Variants in ADGRB3 observed in about 807,000 individuals in gnomAD.
ADGRB3 encodes the protein adhesion G protein-coupled receptor B3, also known as brain-specific angiogenesis inhibitor 3.
A neutral mutation model predicts 193.4 loss-of-function variants in ADGRB3; 37 were observed. The ratio of observed to expected loss-of-function variants is 0.19; its 90% confidence interval spans 0.15 to 0.25. The LOEUF is 0.25. Among genes scored for constraint, ADGRB3 ranks in the 10% least tolerant of loss-of-function variants. ADGRB3 has a pLI of 1.00. For missense variants in ADGRB3, 1,637 were observed against 1,852.9 expected (o/e 0.88, Z 2.14); for synonymous variants, 690 against 644.2 (o/e 1.07, Z -1.08).
intron 17 of ADGRB3, among the ~76,000 whole-genome samples, chr6:69,227,742 C>T (rs1467918357): frequency 1.3e-5 from 2 of 152,154 alleles, no homozygotes; most frequent in East Asian, 3.9e-4. Flanking sequence ...TCAAGCCTCA[C>T]TGTTGAATTG....
chr6:68,994,361 G>C (rs919626491), intron 11 of ADGRB3, among the ~76,000 whole-genome samples: 1 of 152,074 alleles, frequency 6.6e-6, no homozygotes, highest in Non-Finnish European at 1.5e-5. Context: ...AAAAAACATA[G>C]TTTAAAGTTT....
At chr6:68,808,500 A>G (rs1582218530) in intron 3 of ADGRB3, among the ~76,000 whole-genome samples, 1 of 152,026 alleles carries the variant, frequency 6.6e-6, no homozygotes. Context: ...TCCATTTTCA[A>G]TACACTACCA....
At chr6:68,668,575 T>C (rs1319765326) in intron 3 of ADGRB3, among the ~76,000 whole-genome samples, 1 of 151,982 alleles carries the variant, frequency 6.6e-6, no homozygotes, top group African/African-American at 2.4e-5. Context: ...TAATTTATTT[T>C]CAAATTGTGA....
At chr6:69,261,709 T>C (rs1411995497) in intron 20 of ADGRB3, among the ~76,000 whole-genome samples, 1 of 152,018 alleles carries the variant, frequency 6.6e-6, no homozygotes, top group African/African-American at 2.4e-5. Flanking sequence ...TGGTAAATAT[T>C]TGGTTTATGT....
intron 3 of ADGRB3, among the ~76,000 whole-genome samples, chr6:68,809,822 A>G (rs1351280832): frequency 1.3e-5 from 2 of 152,182 alleles, no homozygotes; most frequent in South Asian, 2.1e-4. Context: ...TTTCTCTCCA[A>G]TACGTAAAGC....
At chr6:68,982,701 T>C (rs1163387116) in intron 10 of ADGRB3, among the ~76,000 whole-genome samples, 1 of 152,142 alleles carries the variant, frequency 6.6e-6, no homozygotes, top group Non-Finnish European at 1.5e-5. Flanking sequence ...TCTCCTCAGC[T>C]TTTTACACAG....
chr6:69,050,404 C>T (rs1252690321), intron 15 of ADGRB3, among the ~76,000 whole-genome samples: 1 of 152,152 alleles, frequency 6.6e-6, no homozygotes, highest in African/African-American at 2.4e-5. Context: ...ATTTACCTCC[C>T]TTCTCCTCTG....
intron 17 of ADGRB3, among the ~76,000 whole-genome samples, chr6:69,222,449 G>A (rs2127250688): frequency 6.6e-6 from 1 of 152,294 alleles, no homozygotes. Flanking sequence ...TTAGGCTGGT[G>A]ATGTCCTGAT....
chr6:68,862,728 C>A (rs1294014554), intron 3 of ADGRB3, among the ~76,000 whole-genome samples: 1 of 152,122 alleles, frequency 6.6e-6, no homozygotes. Context: ...AACAATGATC[C>A]CTGCTTCCCT....
chr6:68,837,696 T>A (rs1012021274), intron 3 of ADGRB3, among the ~76,000 whole-genome samples: 1 of 152,178 alleles, frequency 6.6e-6, no homozygotes, highest in African/African-American at 2.4e-5. Context: ...GAGATTATAG[T>A]CTTTCTCACT....
chr6:68,750,444 T>C (rs1162974386), intron 3 of ADGRB3, among the ~76,000 whole-genome samples: 1 of 152,208 alleles, frequency 6.6e-6, no homozygotes, highest in African/African-American at 2.4e-5. Flanking sequence ...ATGAAAAAAA[T>C]GAACCTATTA....
chr6:68,833,407 T>C (rs977069011), intron 3 of ADGRB3, among the ~76,000 whole-genome samples: 2 of 151,570 alleles, frequency 1.3e-5, no homozygotes, highest in Non-Finnish European at 2.9e-5. Flanking sequence ...AGCTTTTTGG[T>C]ATCAGAGCAA....
chr6:69,357,232 G>T (rs1272593188), intron 28 of ADGRB3, among the ~76,000 whole-genome samples: 1 of 151,938 alleles, frequency 6.6e-6, no homozygotes, highest in African/African-American at 2.4e-5. Context: ...TTAATGATTT[G>T]CATATGATTT....
At chr6:68,692,488 A>G (rs1374781872) in intron 3 of ADGRB3, among the ~76,000 whole-genome samples, 1 of 151,862 alleles carries the variant, frequency 6.6e-6, no homozygotes, top group African/African-American at 2.4e-5. Flanking sequence ...CCCTAATTTT[A>G]AAAAGTGAGA....
intron 17 of ADGRB3, among the ~76,000 whole-genome samples, chr6:69,157,757 G>T (rs1582506353): frequency 6.6e-6 from 1 of 151,578 alleles, no homozygotes; most frequent in South Asian, 2.1e-4. Flanking sequence ...CATGATTTTG[G>T]ATATTTTGAA....
At chr6:68,767,690 G>A (rs558063456) in intron 3 of ADGRB3, among the ~76,000 whole-genome samples, 2 of 152,216 alleles carry the variant, frequency 1.3e-5, no homozygotes, top group South Asian at 2.1e-4. Context: ...GTTCCGACCA[G>A]GGCAATCAGG....
chr6:69,267,157 C>T (rs1767064632), intron 20 of ADGRB3, among the ~76,000 whole-genome samples: 1 of 152,016 alleles, frequency 6.6e-6, no homozygotes, highest in South Asian at 2.1e-4. Flanking sequence ...TGCAACTCTA[C>T]ATTGATTCTG....
At chr6:69,357,245 A>G (rs1249610725) in intron 28 of ADGRB3, among the ~76,000 whole-genome samples, 3 of 152,026 alleles carry the variant, frequency 2.0e-5, no homozygotes, top group East Asian at 1.9e-4. Flanking sequence ...TATGATTTCT[A>G]TTTCAGTACT....
intron 15 of ADGRB3, 115 bp downstream of exon 15, chr6:69,049,461 A>C (rs1771330925): frequency 5.8e-6 from 4 of 693,038 alleles, no homozygotes; most frequent in African/African-American, 3.7e-5. Context: ...GATTTTTCTT[A>C]AATGAAATAG....
Sources: allele counts gnomAD v4.1 joint callset (sites outside exome capture counted in the v4.1 genomes callset), GRCh38; gene constraint gnomAD v4.1.1; transcripts MANE v1.5; gene names NCBI Gene and HGNC (gene_info 2026-07-23, HGNC 2026-07-21).